LARGE1: variants seen among roughly 807,000 people sequenced by gnomAD.
LARGE1 encodes xylosyl- and glucuronyltransferase LARGE1.
In LARGE1, 43 loss-of-function variants were observed where a neutral mutation model predicts 87.6. The ratio of observed to expected loss-of-function variants is 0.49; its 90% CI spans 0.38 to 0.63. LARGE1 has a LOEUF of 0.63. Among genes scored for constraint, LARGE1 ranks in the 30% least tolerant of loss-of-function variants. LARGE1 has a pLI of 0.00. For missense variants in LARGE1, 802 were observed against 1,000.2 expected (o/e 0.80, Z 2.67); for synonymous variants, 434 against 394.6 (o/e 1.10, Z -1.18).
chr22:33,475,424 ATATTTATT>A (rs71320980), intron 6 of LARGE1, among the ~76,000 whole-genome samples: 33,119 of 135,060 alleles, frequency 0.25, 4,359 homozygotes, highest in East Asian at 0.32. Context: ...TCAGTGAGTC[ATATTTATT>A]TATTTATTTA....
At chr22:33,689,779 T>C (rs1359343411) in intron 2 of LARGE1, among the ~76,000 whole-genome samples, 1 of 150,624 alleles carries the variant, frequency 6.6e-6, no homozygotes, top group African/African-American at 2.4e-5. Context: ...AAAAAAAAAT[T>C]ATCCAGGCAT....
chr22:33,362,564 G>C (rs554796385), intron 9 of LARGE1, among the ~76,000 whole-genome samples: 1 of 150,172 alleles, frequency 6.7e-6, no homozygotes, highest in Admixed American at 6.6e-5. Flanking sequence ...CCTCTCGCTA[G>C]TAGGATGTCA....
chr22:33,399,617 C>A (rs1377199356), intron 7 of LARGE1, among the ~76,000 whole-genome samples: 1 of 152,096 alleles, frequency 6.6e-6, no homozygotes, highest in Non-Finnish European at 1.5e-5. Flanking sequence ...GGTGCGATCT[C>A]GGCTCACTGC....
the LARGE1 span, among the ~76,000 whole-genome samples, chr22:33,155,037 C>T: frequency 9.4e-4 from 143 of 152,302 alleles, no homozygotes; most frequent in Admixed American, 9.2e-3. Flanking sequence ...TGTGAGGCCT[C>T]CCCAGCCACG....
intron 2 of LARGE1, among the ~76,000 whole-genome samples, chr22:33,664,234 A>G (rs1221195518): frequency 6.6e-6 from 1 of 152,160 alleles, no homozygotes; most frequent in Non-Finnish European, 1.5e-5. Flanking sequence ...GAGTCCTTTC[A>G]TGTCCCCACA....
chr22:33,068,441 C>G, the LARGE1 span, among the ~76,000 whole-genome samples: 1 of 152,024 alleles, frequency 6.6e-6, no homozygotes, highest in Non-Finnish European at 1.5e-5. Context: ...GTCAGGAGAT[C>G]GAGACCATCC....
At chr22:33,271,231 C>A (rs775691011), downstream of LARGE1, among the ~76,000 whole-genome samples, 48 of 152,330 alleles carry the variant, frequency 3.2e-4, no homozygotes, top group Non-Finnish European at 4.7e-4. Context: ...TGTTTCATAT[C>A]TGTTTCCTTC....
intron 5 of LARGE1, among the ~76,000 whole-genome samples, chr22:33,596,324 T>C (rs2078975262): frequency 6.6e-6 from 1 of 152,210 alleles, no homozygotes; most frequent in African/African-American, 2.4e-5. Context: ...TACACAAAGG[T>C]ATGCTTTCAA....
the LARGE1 span, among the ~76,000 whole-genome samples, chr22:33,085,613 T>A: frequency 6.6e-6 from 1 of 152,228 alleles, no homozygotes; most frequent in Non-Finnish European, 1.5e-5. Flanking sequence ...CAAATTTGTC[T>A]TGTCATTTTT....
chr22:33,479,200 G>A (rs535215486), intron 6 of LARGE1, among the ~76,000 whole-genome samples: 1 of 152,194 alleles, frequency 6.6e-6, no homozygotes, highest in African/African-American at 2.4e-5. Flanking sequence ...TATGCCTGAT[G>A]TTGCATTTAC....
chr22:33,881,099 A>C (rs2064667849), intron 1 of LARGE1, among the ~76,000 whole-genome samples: 1 of 151,946 alleles, frequency 6.6e-6, no homozygotes, highest in South Asian at 2.1e-4. Context: ...AGAGGCTGCT[A>C]GGCCAAAACG....
At chr22:33,402,711 G>A (rs1213366825) in intron 7 of LARGE1, among the ~76,000 whole-genome samples, 1 of 152,042 alleles carries the variant, frequency 6.6e-6, no homozygotes, top group Admixed American at 6.5e-5. Flanking sequence ...ATTAAATAAG[G>A]GACTATTGTT....
chr22:33,764,323 C>T (rs964238057), intron 1 of LARGE1, among the ~76,000 whole-genome samples: 3 of 152,164 alleles, frequency 2.0e-5, no homozygotes, highest in Non-Finnish European at 4.4e-5. Flanking sequence ...TCTGTGAGGG[C>T]CTGGTTCAGG....
intron 11 of LARGE1, among the ~76,000 whole-genome samples, chr22:33,191,764 T>TTC (rs1923792286): frequency 1.3e-5 from 2 of 152,180 alleles, no homozygotes; most frequent in South Asian, 4.2e-4. Flanking sequence ...GCGTCCATGT[T>TTC]TCTTTGTCCA....
intron 6 of LARGE1, among the ~76,000 whole-genome samples, chr22:33,511,366 G>A (rs1026891965): frequency 5.3e-5 from 8 of 152,126 alleles, no homozygotes; most frequent in Admixed American, 3.3e-4. Context: ...AGACAACAAG[G>A]GTGATATTTC....
chr22:33,094,970 C>T, the LARGE1 span, among the ~76,000 whole-genome samples: 10 of 152,222 alleles, frequency 6.6e-5, no homozygotes, highest in Non-Finnish European at 1.2e-4. Flanking sequence ...CCTCCCACCT[C>T]GGCCTCCCAA....
chr22:33,372,950 T>C (rs917322956), intron 9 of LARGE1, among the ~76,000 whole-genome samples: 1 of 152,132 alleles, frequency 6.6e-6, no homozygotes, highest in African/African-American at 2.4e-5. Flanking sequence ...TTGGTAAGGA[T>C]AGTTAAAAAG....
At chr22:33,853,333 C>A (rs1401137134) in intron 1 of LARGE1, among the ~76,000 whole-genome samples, 1 of 152,158 alleles carries the variant, frequency 6.6e-6, no homozygotes, top group Admixed American at 6.5e-5. Flanking sequence ...ACAGCCGCTG[C>A]TTTTCAAGCA....
intron 5 of LARGE1, among the ~76,000 whole-genome samples, chr22:33,576,544 G>A (rs148619526): frequency 2.1e-3 from 312 of 152,164 alleles, no homozygotes; most frequent in African/African-American, 7.3e-3. Context: ...TAGATGACAC[G>A]GTGCTTTATC....
Sources: allele counts gnomAD v4.1 joint callset (sites outside exome capture counted in the v4.1 genomes callset), GRCh38; gene constraint gnomAD v4.1.1; transcripts MANE v1.5; gene names NCBI Gene and HGNC (gene_info 2026-07-23, HGNC 2026-07-21).